The following SRGAP1 variants were observed in gnomAD, a reference collection of about 807,000 sequenced individuals.
The protein encoded by SRGAP1 is SLIT-ROBO Rho GTPase activating protein 1, also known as SLIT-ROBO Rho GTPase-activating protein 1.
Under a neutral mutation model 121.9 loss-of-function variants are expected in SRGAP1, and 43 were observed. That is an observed-to-expected ratio of 0.35 (90% confidence interval 0.28 to 0.46). SRGAP1 has a LOEUF of 0.46. Ranked by LOEUF, SRGAP1 falls within the 20% of genes least tolerant of loss-of-function variation. The pLI, the probability that SRGAP1 is intolerant of heterozygous loss-of-function variation, is 1.00. For missense variants in SRGAP1, 1,102 were observed against 1,350.9 expected (o/e 0.82, Z 2.89); for synonymous variants, 447 against 485.4 (o/e 0.92, Z 1.04).
chr12:63,865,765 T>C (rs1478980035), intron 1 of SRGAP1, among the ~76,000 whole-genome samples: 3 of 152,192 alleles, frequency 2.0e-5, no homozygotes, highest in Non-Finnish European at 4.4e-5. Flanking sequence ...GTTGCAGTTT[T>C]CGGTGCATCT....
chr12:63,890,008 C>T (rs962922586), intron 1 of SRGAP1, among the ~76,000 whole-genome samples: 11 of 152,076 alleles, frequency 7.2e-5, no homozygotes, highest in Non-Finnish European at 1.3e-4. Context: ...CATGACATGT[C>T]GTTTCTTCCT....
chr12:64,015,042 C>G (rs1425559340), intron 3 of SRGAP1, among the ~76,000 whole-genome samples: 1 of 152,146 alleles, frequency 6.6e-6, no homozygotes, highest in South Asian at 2.1e-4. Context: ...GTCTTCAACT[C>G]CTGGCCTCAA....
chr12:63,880,343 T>C (rs935880499), intron 1 of SRGAP1, among the ~76,000 whole-genome samples: 1 of 152,122 alleles, frequency 6.6e-6, no homozygotes, highest in Non-Finnish European at 1.5e-5. Context: ...GTGATTCTCC[T>C]GACTCAGCCT....
chr12:64,110,057 A>G (rs780223891), intron 16 of SRGAP1, among the ~76,000 whole-genome samples: 25 of 152,312 alleles, frequency 1.6e-4, no homozygotes, highest in Non-Finnish European at 3.7e-4. Flanking sequence ...GGAAAAAAGC[A>G]GTATCTAGAG....
chr12:64,131,387 TCA>T (rs1001288660), intron 21 of SRGAP1, among the ~76,000 whole-genome samples: 25 of 152,212 alleles, frequency 1.6e-4, no homozygotes, highest in Non-Finnish European at 2.4e-4. Flanking sequence ...CAGTGTATAA[TCA>T]CACATCTGGC....
chr12:64,040,797 T>C (rs1027363743), intron 4 of SRGAP1, among the ~76,000 whole-genome samples: 1 of 152,188 alleles, frequency 6.6e-6, no homozygotes, highest in Non-Finnish European at 1.5e-5. Context: ...TCTGAAATAC[T>C]TTCAGAGATA....
chr12:64,109,022 T>A lies in SRGAP1; in HGVS notation c.1904T>A (p.Phe635Tyr). 1 of 1,564,194 alleles carries A rather than the reference T, an allele frequency of 6.4e-7. No homozygotes were observed. The highest frequency in any genetic ancestry group is 8.7e-7 in the Non-Finnish European group (1 of 1,147,668). ...GTCCTTATAGTGATGAGGTACCTCT[T>A]TGCCTTCCTCAATCAGTAAGTACCT... ...RSVLIVMRYL[F>Y]AFLNHLSQYS... Residue 635 changes from phenylalanine to tyrosine, a missense_variant, in exon 16 of 22, where the codon TTT (phenylalanine) becomes TAT (tyrosine). Phe to Tyr is a conservative substitution (Grantham distance 22). Coordinates refer to ENST00000355086, the MANE Select transcript of SRGAP1 (RefSeq NM_020762.4).
chr12:63,953,983 T>C (rs1479556903), intron 1 of SRGAP1, among the ~76,000 whole-genome samples: 2 of 152,224 alleles, frequency 1.3e-5, no homozygotes, highest in East Asian at 3.8e-4. Flanking sequence ...TTGTTGTTCT[T>C]GTTATTTAGG....
At chr12:64,039,782 C>T (rs965623540) in intron 4 of SRGAP1, among the ~76,000 whole-genome samples, 4 of 145,836 alleles carry the variant, frequency 2.7e-5, no homozygotes, top group Non-Finnish European at 4.6e-5. Context: ...TGTGTAGATT[C>T]GTTGACCTTT....
chr12:63,983,798 ATATATATATATATAT>A (rs2033322081), intron 1 of SRGAP1, 134 bp from the exon 2 acceptor site: 7 of 1,110 alleles, frequency 6.3e-3, no homozygotes, highest in African/African-American at 8.7e-3. Context: ...TACATTTAAA[ATATATATATATATAT>A]ATATATATAT....
At chr12:63,876,657 C>T (rs188524550) in intron 1 of SRGAP1, among the ~76,000 whole-genome samples, 104 of 152,202 alleles carry the variant, frequency 6.8e-4, no homozygotes, top group African/African-American at 2.4e-3. Flanking sequence ...GGCTAAAATA[C>T]TGTGACAAAC....
chr12:64,054,317 T>A (rs1225309400), intron 6 of SRGAP1, among the ~76,000 whole-genome samples: 1 of 152,232 alleles, frequency 6.6e-6, no homozygotes, highest in African/African-American at 2.4e-5. Context: ...TTATGCAGAA[T>A]AAGATTGAAA....
chr12:63,856,130 C>T (rs534347332), intron 1 of SRGAP1, among the ~76,000 whole-genome samples: 3 of 152,080 alleles, frequency 2.0e-5, no homozygotes, highest in African/African-American at 7.2e-5. Context: ...TGGTGGCAGG[C>T]GCTGGTAATC....
intron 10 of SRGAP1, among the ~76,000 whole-genome samples, chr12:64,082,518 T>C (rs1031544452): frequency 6.6e-6 from 1 of 151,820 alleles, no homozygotes; most frequent in Non-Finnish European, 1.5e-5. Context: ...TGGTGCAATC[T>C]AAGCTCACTG....
At chr12:63,957,658 A>G (rs781037186) in intron 1 of SRGAP1, among the ~76,000 whole-genome samples, 3 of 152,056 alleles carry the variant, frequency 2.0e-5, no homozygotes, top group Non-Finnish European at 2.9e-5. Context: ...AAGAAAAACC[A>G]TATGGGAACT....
intron 3 of SRGAP1, among the ~76,000 whole-genome samples, chr12:64,016,603 G>A (rs2034408796): frequency 6.6e-6 from 1 of 152,206 alleles, no homozygotes; most frequent in African/African-American, 2.4e-5. Flanking sequence ...GAATCACACT[G>A]TAAAATGTCA....
intron 8 of SRGAP1, among the ~76,000 whole-genome samples, chr12:64,066,330 T>A (rs184126098): frequency 6.6e-6 from 1 of 152,296 alleles, no homozygotes; most frequent in East Asian, 1.9e-4. Flanking sequence ...TCATGCATAC[T>A]TCTGGACAAA....
intron 21 of SRGAP1, among the ~76,000 whole-genome samples, chr12:64,133,475 A>G (rs1314753948): frequency 1.3e-5 from 2 of 152,178 alleles, no homozygotes; most frequent in African/African-American, 4.8e-5. Flanking sequence ...GAGCACCACA[A>G]CGACATTTTG....
intron 14 of SRGAP1, among the ~76,000 whole-genome samples, chr12:64,096,849 C>T (rs1458694964): frequency 6.6e-6 from 1 of 152,194 alleles, no homozygotes; most frequent in Non-Finnish European, 1.5e-5. Flanking sequence ...GTCAGACAGA[C>T]CTATGGTGTG....
Sources: gnomAD v4.1 joint callset for allele counts (sites outside exome capture counted in the v4.1 genomes callset) on GRCh38, gnomAD v4.1.1 for gene constraint, MANE v1.5 for transcripts, NCBI Gene and HGNC (gene_info 2026-07-23, HGNC 2026-07-21) for gene names.